Variants in FAM107B observed in about 807,000 individuals in gnomAD.
FAM107B encodes protein FAM107B.
Under a neutral mutation model 31.5 loss-of-function variants are expected in FAM107B, and 21 were observed. That is an observed-to-expected ratio of 0.67 (90% CI 0.47 to 0.96). The LOEUF (loss-of-function observed/expected upper bound fraction) is 0.96, where lower values mean the gene tolerates loss of function less well. Among genes scored for constraint, FAM107B ranks in the 40% least tolerant of loss-of-function variants. The pLI is 0.00. For synonymous variants in FAM107B, 157 were observed against 141.5 expected (o/e 1.11, Z -0.78); for missense variants, 452 against 377.1 (o/e 1.20, Z -1.64).
chr10:14,695,094 T>G (rs1475637623), intron 1 of FAM107B, among the ~76,000 whole-genome samples: 1 of 152,204 alleles, frequency 6.6e-6, no homozygotes, highest in African/African-American at 2.4e-5. Flanking sequence ...TCTAGGAGCT[T>G]TCCCCCGGTT....
intron 2 of FAM107B, among the ~76,000 whole-genome samples, chr10:14,642,652 G>C (rs965860863): frequency 1.6e-4 from 24 of 152,062 alleles, no homozygotes; most frequent in Non-Finnish European, 3.4e-4. Context: ...TATTTTCCAA[G>C]TCTGCAAGTT....
intron 1 of FAM107B, among the ~76,000 whole-genome samples, chr10:14,754,836 T>C (rs1832897507): frequency 6.6e-6 from 1 of 152,206 alleles, no homozygotes; most frequent in Non-Finnish European, 1.5e-5. Context: ...ATAATTTTAT[T>C]TTCCTTATTG....
chr10:14,751,648 G>A (rs940445915), intron 1 of FAM107B, among the ~76,000 whole-genome samples: 22 of 151,990 alleles, frequency 1.4e-4, no homozygotes, highest in African/African-American at 4.8e-4. Flanking sequence ...AATTACAGCC[G>A]TGAGCCACTA....
intron 1 of FAM107B, among the ~76,000 whole-genome samples, chr10:14,738,640 A>G (rs1034953363): frequency 6.6e-6 from 1 of 152,240 alleles, no homozygotes; most frequent in African/African-American, 2.4e-5. Flanking sequence ...AATGAGGTCA[A>G]CAGCACCTGC....
intron 1 of FAM107B, among the ~76,000 whole-genome samples, chr10:14,761,094 C>G (rs1833037603): frequency 6.7e-6 from 1 of 148,230 alleles, no homozygotes; most frequent in Non-Finnish European, 1.5e-5. Flanking sequence ...TTAATTTAAT[C>G]AGGAACACAT....
intron 1 of FAM107B, among the ~76,000 whole-genome samples, chr10:14,739,625 A>G (rs1272137880): frequency 6.7e-6 from 1 of 149,706 alleles, no homozygotes; most frequent in African/African-American, 2.6e-5. Context: ...TGATGAATGA[A>G]TGAATGAATG....
At chr10:14,587,136 G>T (rs925488324) in intron 2 of FAM107B, among the ~76,000 whole-genome samples, 1 of 152,074 alleles carries the variant, frequency 6.6e-6, no homozygotes, top group Non-Finnish European at 1.5e-5. Flanking sequence ...TAGTCACACT[G>T]CAGAGATGAG....
intron 1 of FAM107B, among the ~76,000 whole-genome samples, chr10:14,740,648 T>C (rs1190307579): frequency 2.0e-5 from 3 of 152,228 alleles, no homozygotes; most frequent in Non-Finnish European, 4.4e-5. Context: ...TTGTAATCAA[T>C]GTACCACATC....
At chr10:14,522,573 G>A (rs1339533717) in intron 3 of FAM107B, among the ~76,000 whole-genome samples, 2 of 151,878 alleles carry the variant, frequency 1.3e-5, no homozygotes, top group East Asian at 1.9e-4. Flanking sequence ...GCACCACCAC[G>A]CCCGGCTAAT....
intron 2 of FAM107B, among the ~76,000 whole-genome samples, chr10:14,633,781 G>A (rs1434860303): frequency 1.3e-5 from 2 of 152,178 alleles, no homozygotes; most frequent in African/African-American, 4.8e-5. Flanking sequence ...AAGGCAGCTA[G>A]AGAAGATATT....
At chr10:14,721,187 T>A (rs1244984444) in intron 1 of FAM107B, among the ~76,000 whole-genome samples, 1 of 152,250 alleles carries the variant, frequency 6.6e-6, no homozygotes, top group Non-Finnish European at 1.5e-5. Flanking sequence ...TCCTTTTTTA[T>A]GGCTGCATAG....
At chr10:14,562,432 C>T (rs531791514) in intron 2 of FAM107B, among the ~76,000 whole-genome samples, 42 of 152,338 alleles carry the variant, frequency 2.8e-4, no homozygotes, top group African/African-American at 9.9e-4. Flanking sequence ...AGCTTTACTA[C>T]AAGTGGTAGA....
At chr10:14,595,877 T>C (rs929258217) in intron 2 of FAM107B, among the ~76,000 whole-genome samples, 1 of 152,216 alleles carries the variant, frequency 6.6e-6, no homozygotes, top group East Asian at 1.9e-4. Context: ...GCACCCCGGC[T>C]GGTCTCCCTG....
chr10:14,614,009 T>A (rs1052718978), intron 2 of FAM107B, among the ~76,000 whole-genome samples: 1 of 152,110 alleles, frequency 6.6e-6, no homozygotes, highest in Non-Finnish European at 1.5e-5. Flanking sequence ...CGGGCGCCTG[T>A]AGTCCCAGCT....
chr10:14,566,302 C>T (rs1232012626), intron 2 of FAM107B, among the ~76,000 whole-genome samples: 1 of 152,220 alleles, frequency 6.6e-6, no homozygotes, highest in African/African-American at 2.4e-5. Flanking sequence ...CTGTCACCTG[C>T]TTCTAACAAC....
chr10:14,607,559 C>T (rs547201644), intron 2 of FAM107B, among the ~76,000 whole-genome samples: 2 of 152,210 alleles, frequency 1.3e-5, no homozygotes, highest in East Asian at 1.9e-4. Context: ...GAATAAGCCT[C>T]GTACTTCCCA....
chr10:14,598,313 T>C (rs1852253989), intron 2 of FAM107B, among the ~76,000 whole-genome samples: 2 of 152,268 alleles, frequency 1.3e-5, no homozygotes, highest in South Asian at 4.1e-4. Flanking sequence ...AGCTTAACCA[T>C]CAAGGACAGA....
At chr10:14,768,358 G>A (rs1833228593) in intron 1 of FAM107B, among the ~76,000 whole-genome samples, 1 of 152,166 alleles carries the variant, frequency 6.6e-6, no homozygotes, top group African/African-American at 2.4e-5. Flanking sequence ...TGAAATGGGA[G>A]AACAACATTG....
At chr10:14,634,881 G>A (rs974748600) in intron 2 of FAM107B, among the ~76,000 whole-genome samples, 1 of 152,076 alleles carries the variant, frequency 6.6e-6, no homozygotes, top group Non-Finnish European at 1.5e-5. Flanking sequence ...CTTGTGGTCA[G>A]GAGTTTGAGA....
Sources: allele counts gnomAD v4.1 joint callset (sites outside exome capture counted in the v4.1 genomes callset), GRCh38; gene constraint gnomAD v4.1.1; transcripts MANE v1.5; gene names NCBI Gene and HGNC (gene_info 2026-07-23, HGNC 2026-07-21).